The following NETO1 variants were observed in gnomAD, a reference collection of about 807,000 sequenced individuals.
The protein encoded by NETO1 is neuropilin and tolloid like 1.
Under a neutral mutation model 61.3 loss-of-function variants are expected in NETO1, and 26 were observed. That is an observed-to-expected ratio of 0.42 (90% CI 0.31 to 0.59). NETO1 has a LOEUF of 0.59. NETO1 is among the 20% of genes least tolerant of loss of function. NETO1 has a pLI of 0.12. For missense variants in NETO1, 531 were observed against 662.8 expected, an observed-to-expected ratio of 0.80 and a Z score of 2.18; for synonymous variants, 225 against 225.8, an observed-to-expected ratio of 1.00 and a Z score of 0.03.
chr18:72,810,449 G>A, intron 4 of NETO1, among the ~76,000 whole-genome samples: 1 of 152,172 alleles, frequency 6.6e-6, no homozygotes, highest in Non-Finnish European at 1.5e-5. Context: ...CTGCCAGGGT[G>A]CATTTGGCAT....
At chr18:72,827,475 G>C (rs1200181485) in intron 4 of NETO1, among the ~76,000 whole-genome samples, 1 of 152,150 alleles carries the variant, frequency 6.6e-6, no homozygotes, top group East Asian at 1.9e-4. Flanking sequence ...AAGGGGCCAG[G>C]CCCAAAGCAG....
intron 4 of NETO1, among the ~76,000 whole-genome samples, chr18:72,816,289 T>C (rs1374256741): frequency 6.6e-6 from 1 of 152,154 alleles, no homozygotes; most frequent in African/African-American, 2.4e-5. Context: ...ATGCAACTTC[T>C]CAACTAGGTT....
At chr18:72,769,045 G>T (rs9945466) in intron 7 of NETO1, among the ~76,000 whole-genome samples, 55,123 of 152,086 alleles carry the variant, frequency 0.36, 10,479 homozygotes, top group Admixed American at 0.48. Context: ...AGCAGGGACA[G>T]GAGAGGGCAG....
intron 4 of NETO1, among the ~76,000 whole-genome samples, chr18:72,817,807 C>G (rs1013276303): frequency 1.3e-5 from 2 of 152,232 alleles, no homozygotes; most frequent in Non-Finnish European, 2.9e-5. Context: ...GTCTGTCTCT[C>G]AGACCTGTCT....
At chr18:72,814,989 A>C (rs1159338084) in intron 4 of NETO1, among the ~76,000 whole-genome samples, 1 of 152,108 alleles carries the variant, frequency 6.6e-6, no homozygotes, top group African/African-American at 2.4e-5. Flanking sequence ...AAATACTACA[A>C]AAACAACTTG....
intron 4 of NETO1, among the ~76,000 whole-genome samples, chr18:72,800,661 C>T (rs1424266500): frequency 6.6e-6 from 1 of 152,146 alleles, no homozygotes; most frequent in Non-Finnish European, 1.5e-5. Flanking sequence ...CACCCCAGCA[C>T]ATGGAAAAAT....
chr18:72,864,486 TAC>T (rs2074673774), intron 3 of NETO1, among the ~76,000 whole-genome samples: 1 of 152,366 alleles, frequency 6.6e-6, no homozygotes, highest in South Asian at 2.1e-4. Context: ...TTCTCACACT[TAC>T]ACAGTTAATA....
intron 4 of NETO1, among the ~76,000 whole-genome samples, chr18:72,824,924 A>T (rs918111299): frequency 6.6e-6 from 1 of 152,084 alleles, no homozygotes; most frequent in African/African-American, 2.4e-5. Context: ...GAGATTTGGG[A>T]TTAAATATAA....
intron 4 of NETO1, among the ~76,000 whole-genome samples, chr18:72,844,962 T>C (rs1413784893): frequency 6.6e-6 from 1 of 152,188 alleles, no homozygotes; most frequent in Non-Finnish European, 1.5e-5. Context: ...TGACATCAAG[T>C]GTTACCCACT....
intron 4 of NETO1, among the ~76,000 whole-genome samples, chr18:72,799,322 G>A (rs907804361): frequency 1.8e-4 from 28 of 152,180 alleles, no homozygotes; most frequent in African/African-American, 5.1e-4. Context: ...TACTGACAAC[G>A]AGTCAACAAT....
chr18:72,763,147 A>C lies in NETO1; in HGVS notation c.869-7000T>G, dbSNP rs1356169844. On this transcript the variant is annotated intron_variant, in intron 7 of 10. Transcript: ENST00000327305. ...ATTAGATTTCGTTTTTTTTTTTGAA[A>C]TCCAGAAATCTGCTAAATAATATTC... is the stretch of plus-strand genomic sequence containing the variant. 2.7e-5 allele frequency among the ~76,000 whole-genome samples: 4 copies of C among 150,722 alleles called. No homozygotes were observed. In the East Asian group the frequency reaches 7.8e-4, roughly 29 times the overall value.
chr18:72,753,753 T>A (rs185798488), intron 8 of NETO1, among the ~76,000 whole-genome samples: 33 of 152,300 alleles, frequency 2.2e-4, no homozygotes, highest in African/African-American at 7.9e-4. Flanking sequence ...AATCGTAATG[T>A]TGGACTATAG....
chr18:72,856,385 T>G (rs2074410486), intron 4 of NETO1, among the ~76,000 whole-genome samples: 1 of 152,186 alleles, frequency 6.6e-6, no homozygotes, highest in Non-Finnish European at 1.5e-5. Flanking sequence ...TTTCAGGAAC[T>G]GTTTTTAAGT....
At chr18:72,847,086 T>C (rs759685858) in intron 4 of NETO1, among the ~76,000 whole-genome samples, 1 of 152,254 alleles carries the variant, frequency 6.6e-6, no homozygotes, top group Non-Finnish European at 1.5e-5. Flanking sequence ...GGCTTTGAAG[T>C]GCAAATTTCT....
intron 4 of NETO1, among the ~76,000 whole-genome samples, chr18:72,838,962 A>C (rs1400235580): frequency 6.6e-6 from 1 of 152,210 alleles, no homozygotes; most frequent in East Asian, 1.9e-4. Context: ...TTCATCCTTC[A>C]GGATTGTTTT....
intron 4 of NETO1, chr18:72,853,269 C>CTGAAA (rs1343895666): frequency 6.6e-6 from 1 of 152,144 alleles, no homozygotes; most frequent in African/African-American, 2.4e-5. Flanking sequence ...TCTGCTAGGG[C>CTGAAA]TGAAATGAGA....
chr18:72,857,388 T>C (rs62103395), intron 4 of NETO1, among the ~76,000 whole-genome samples: 43,546 of 152,174 alleles, frequency 0.29, 6,488 homozygotes, highest in Middle Eastern at 0.38. Context: ...CCACCATTTA[T>C]GTCATCTCAA....
At chr18:72,818,525 T>C (rs557834437) in intron 4 of NETO1, among the ~76,000 whole-genome samples, 2 of 152,346 alleles carry the variant, frequency 1.3e-5, no homozygotes, top group South Asian at 2.1e-4. Context: ...GAAATTTTCA[T>C]ATGTGATTTC....
At chr18:72,767,706 C>G (rs1019365771) in intron 7 of NETO1, among the ~76,000 whole-genome samples, 1 of 151,304 alleles carries the variant, frequency 6.6e-6, no homozygotes, top group Admixed American at 6.6e-5. Flanking sequence ...CAAACTCAAT[C>G]AAAAGCTTTA....
Sources: allele counts gnomAD v4.1 joint callset (sites outside exome capture counted in the v4.1 genomes callset), GRCh38; gene constraint gnomAD v4.1.1; transcripts MANE v1.5; gene names NCBI Gene and HGNC (gene_info 2026-07-23, HGNC 2026-07-21).